ITGAL: variants seen among roughly 807,000 people sequenced by gnomAD.
ITGAL encodes integrin alpha-L.
A neutral mutation model predicts 138.4 loss-of-function variants in ITGAL; 68 were observed. The ratio of observed to expected loss-of-function variants is 0.49; its 90% CI spans 0.40 to 0.60. ITGAL has a LOEUF of 0.60. Ranked by LOEUF, ITGAL falls within the 20% of genes least tolerant of loss-of-function variation. ITGAL has a pLI of 0.00. For missense variants in ITGAL, 1,256 were observed against 1,478.6 expected, an observed-to-expected ratio of 0.85 and a Z score of 2.47; for synonymous variants, 561 against 584.3, an observed-to-expected ratio of 0.96 and a Z score of 0.57.
chr16:30,517,093 G>T lies in ITGAL; in HGVS notation c.2976+7G>T. 1.3e-6 allele frequency: 2 copies of T among 1,570,546 alleles called. No individual in the cohort carries two copies. Among genetic ancestry groups the T allele is most frequent in the South Asian group, 1.1e-5 (1 of 89,176 alleles). ...CCAGTGGAGCGTGCAGATGGTGAGTGCTGCCTGTAGAGGGAGGGTCTACCC... is the reference window on the plus strand; with the variant it reads ...CCAGTGGAGCGTGCAGATGGTGAGTTCTGCCTGTAGAGGGAGGGTCTACCC... On this transcript the variant is annotated splice_region_variant and intron_variant, in intron 26 of 30. Coordinates refer to ENST00000356798, the MANE Select transcript of ITGAL (RefSeq NM_002209.3).
rs1340707175 is a variant in ITGAL, at chr16:30,475,585, G to A, written c.327+5G>A. On this transcript the variant is annotated splice_donor_5th_base_variant and intron_variant, in intron 4 of 30. Coordinates refer to ENST00000356798, the MANE Select transcript of ITGAL (RefSeq NM_002209.3). ...CCCACAGATGGAAGCATTTTGGTAAGAATTTTGTGCAGTGGTGTTATCAGA... is the reference window on the plus strand; with the variant it reads ...CCCACAGATGGAAGCATTTTGGTAAAAATTTTGTGCAGTGGTGTTATCAGA... The A allele has an allele frequency of 7.5e-6, 12 of 1,610,264 alleles. No homozygotes were observed. Among genetic ancestry groups the A allele is most frequent in the Non-Finnish European group, 9.3e-6 (11 of 1,176,636 alleles).
chr16:30,522,289 C>T lies in ITGAL; in HGVS notation c.*624C>T, dbSNP rs990610779. The T allele has an allele frequency of 6.6e-6, 1 of 152,580 alleles. No homozygotes were observed. The highest frequency in any genetic ancestry group is 6.5e-5 in the Admixed American group (1 of 15,272). 9.5% of individuals were successfully genotyped at this position (152,580 alleles called of 1,614,324 possible). On this transcript the variant is annotated 3_prime_UTR_variant, in exon 31 of 31. Coordinates refer to ENST00000356798, the MANE Select transcript of ITGAL (RefSeq NM_002209.3). The surrounding 1 kb of genome is among the most constrained non-coding windows in gnomAD (Gnocchi z 4.0). Reference sequence around the variant, plus strand: ...CCAGCCTTTCTCCCAGGCCAGGCTCCTTCCTGTCTTCCTGCATTCACCCAG... The same window carrying T: ...CCAGCCTTTCTCCCAGGCCAGGCTCTTTCCTGTCTTCCTGCATTCACCCAG...
In ITGAL at chr16:30,499,172, T is replaced by A; in HGVS notation, c.1931T>A (p.Met644Lys). 1 of 1,613,958 alleles carries A rather than the reference T, an allele frequency of 6.2e-7. No homozygotes were observed. The highest frequency in any genetic ancestry group is 1.1e-5 in the South Asian group (1 of 91,070). The change falls in exon 16 of 31, where the codon ATG becomes AAG. Residue 644 changes from methionine (M) to lysine (K), a missense_variant. Transcript: ENST00000356798. ...TGCTCCTATTCAACCAGTAACAAGA[T>A]GAAAGAAGGAGTTAATATCACAATC... ...VECSYSTSNKMKEGVNITICF... is the reference protein window; with the variant it reads ...VECSYSTSNKKKEGVNITICF...
chr16:30,517,514 A>G, intron 26 of ITGAL, 135 bp from the exon 27 acceptor site: 2 of 725,364 alleles, frequency 2.8e-6, no homozygotes, highest in East Asian at 2.6e-5. Context: ...GTAAGGATGG[A>G]TGAATTCAGG....
intron 1 of ITGAL, 124 bp from the exon 2 acceptor site, chr16:30,474,072 G>T (rs11574938): frequency 1.4e-6 from 1 of 726,554 alleles, no homozygotes; most frequent in South Asian, 1.5e-5. Flanking sequence ...CGCCCTGGAG[G>T]GGAAGCGCAG....
intron 18 of ITGAL, 62 bp from the exon 19 acceptor site, chr16:30,505,182 A>G: frequency 1.4e-6 from 2 of 1,457,556 alleles, no homozygotes; most frequent in Non-Finnish European, 9.2e-7. Flanking sequence ...GCTCTCCTTC[A>G]TGAGGTCTGC....
chr16:30,498,563 G>A (rs1039845790), intron 15 of ITGAL, among the ~76,000 whole-genome samples: 1 of 152,148 alleles, frequency 6.6e-6, no homozygotes, highest in Non-Finnish European at 1.5e-5. Context: ...CATGGAAAAT[G>A]GGTCAGAGGC....
At chr16:30,520,714 C>T (rs1387211048) in intron 30 of ITGAL, among the ~76,000 whole-genome samples, 2 of 152,200 alleles carry the variant, frequency 1.3e-5, no homozygotes, top group Admixed American at 6.5e-5. Flanking sequence ...ACCCAGGAGC[C>T]TCACTTAGGC....
At chr16:30,474,480 G>A in intron 2 of ITGAL, 182 bp downstream of exon 2, 1 of 590,624 alleles carries the variant, frequency 1.7e-6, no homozygotes, top group Non-Finnish European at 3.0e-6. Context: ...TCAAAAAGCG[G>A]GATACACGCG....
At chr16:30,475,701 T>A (rs1256991328) in intron 4 of ITGAL, 121 bp downstream of exon 4, 4 of 716,812 alleles carry the variant, frequency 5.6e-6, no homozygotes, top group Non-Finnish European at 7.4e-6. Flanking sequence ...TCAGAGTCAA[T>A]TAGTGTTTAT....
intron 11 of ITGAL, among the ~76,000 whole-genome samples, chr16:30,490,607 T>C (rs1029742711): frequency 1.3e-5 from 2 of 152,120 alleles, no homozygotes; most frequent in African/African-American, 2.4e-5. Context: ...CTAGTAAACT[T>C]CTTTCAATGA....
chr16:30,484,133 C>A lies in ITGAL; in HGVS notation c.876C>A (p.Thr292=). The change falls in exon 9 of 31, where the codon ACC becomes ACA. Residue 292 remains threonine (T), a synonymous_variant. Coordinates refer to ENST00000356798, the MANE Select transcript of ITGAL (RefSeq NM_002209.3). The stretch of plus-strand genomic sequence containing the variant: ...CACAGATTGGAAAGCATTTTCAGAC[C>A]AAGGAGAGTCAGGAGACCCTCCACA... The part of the protein sequence containing the change: ...YIIGIGKHFQ[T]KESQETLHKF... 6.2e-7 allele frequency: 1 copy of A among 1,613,908 alleles called. No individual in the cohort carries two copies. Among genetic ancestry groups the A allele is most frequent in the South Asian group, 1.1e-5 (1 of 91,056 alleles).
chr16:30,496,142 C>G lies in ITGAL; in HGVS notation c.1549C>G (p.Pro517Ala), dbSNP rs774082465. 6.2e-7 allele frequency: 1 copy of G among 1,614,026 alleles called. No individual in the cohort carries two copies. The highest frequency in any genetic ancestry group is 8.5e-7 in the Non-Finnish European group (1 of 1,179,996). Residue 517 changes from proline to alanine, a missense_variant, in exon 14 of 31, where the codon CCA (proline) becomes GCA (alanine). Transcript: ENST00000356798. ...AGAGCTGCAGGGGGACCCCGGCTAC[C>G]CACTCGGGCGGTTTGGAGAAGCCAT... ...VSELQGDPGY[P>A]LGRFGEAITA...
At chr16:30,501,745 A>G (rs1232810702) in intron 17 of ITGAL, among the ~76,000 whole-genome samples, 2 of 152,142 alleles carry the variant, frequency 1.3e-5, no homozygotes, top group Non-Finnish European at 2.9e-5. Flanking sequence ...AAGTTTTTAA[A>G]AAAGTTAAAA....
At position 30,521,799 on chromosome 16, in the gene ITGAL, G is replaced by A. The variant is rs34967993; in HGVS notation, c.*134G>A. On this transcript the variant is annotated 3_prime_UTR_variant, in exon 31 of 31. Transcript: ENST00000356798. ...CCCTGGCCCTCAGTTTCCCTATCTCGAACATGGAACTCATTCCTGCCTGTC... is the reference window on the plus strand; with the variant it reads ...CCCTGGCCCTCAGTTTCCCTATCTCAAACATGGAACTCATTCCTGCCTGTC... The A allele has an allele frequency of 6.5e-3, 5,262 of 806,142 alleles. 25 individuals are homozygous for A. The highest frequency in any genetic ancestry group is 9.2e-3 in the Admixed American group (320 of 34,768). The allele number at this position is 806,142 out of a possible 1,614,324, so 49.9% of individuals were successfully genotyped here. A position where few individuals can be genotyped will look rare whatever the true frequency, so the allele number is the denominator to read the frequency against.
At chr16:30,511,642 G>A (rs1020699904) in intron 24 of ITGAL, among the ~76,000 whole-genome samples, 2 of 152,202 alleles carry the variant, frequency 1.3e-5, no homozygotes, top group Non-Finnish European at 2.9e-5. Context: ...CCTGGGGGCC[G>A]ATAATGCCAG....
chr16:30,472,895 T>C lies in ITGAL; in HGVS notation c.58T>C (p.Phe20Leu). The C allele has an allele frequency of 6.2e-7, 1 of 1,612,856 alleles. No homozygotes were observed. Among genetic ancestry groups the C allele is most frequent in the Non-Finnish European group, 8.5e-7 (1 of 1,179,718 alleles). The stretch of plus-strand genomic sequence containing the variant: ...GGCGCTGCTGTCTGGGTTCTTTTTC[T>C]TCGGTAGGCAAGGGAGGAGGCAGGG... Reference protein sequence around the residue: ...AMALLSGFFFFAPASSYNLDV... With the variant: ...AMALLSGFFFLAPASSYNLDV... The change falls in exon 1 of 31, where the codon TTC becomes CTC. Residue 20 changes from phenylalanine to leucine, a missense_variant. Transcript: ENST00000356798.
intron 11 of ITGAL, among the ~76,000 whole-genome samples, chr16:30,492,618 G>A (rs1394489185): frequency 3.4e-5 from 5 of 147,682 alleles, no homozygotes; most frequent in Admixed American, 2.1e-4. Flanking sequence ...GTGCAGAGGC[G>A]CTATCTCAGC....
chr16:30,520,339 G>A (rs1246301139), intron 30 of ITGAL, among the ~76,000 whole-genome samples: 1 of 152,174 alleles, frequency 6.6e-6, no homozygotes, highest in East Asian at 1.9e-4. Flanking sequence ...GGAGGTTGAG[G>A]TGGGAGGATC....
Sources: gnomAD v4.1 joint callset for allele counts (sites outside exome capture counted in the v4.1 genomes callset) on GRCh38, gnomAD v4.1.1 for gene constraint, Gnocchi (gnomAD v3.1) non-coding constraint, MANE v1.5 for transcripts, NCBI Gene and HGNC (gene_info 2026-07-23, HGNC 2026-07-21) for gene names.